The following POLE2 variants were observed in gnomAD, a reference collection of about 807,000 sequenced individuals.
POLE2 encodes the protein DNA polymerase epsilon 2, accessory subunit.
POLE2 carries 56 observed loss-of-function variants against 79.4 expected under a neutral mutation model. The observed-to-expected ratio is 0.71, with a 90% CI of 0.57 to 0.88. The LOEUF (loss-of-function observed/expected upper bound fraction) is 0.88, where lower values mean the gene tolerates loss of function less well. POLE2 is among the 40% of genes least tolerant of loss of function. The probability of loss-of-function intolerance (pLI) is 0.00; values close to 1 mark genes in which losing one functional copy is unlikely to be tolerated. For synonymous variants in POLE2, 212 were observed against 214.0 expected (o/e 0.99, Z 0.08); for missense variants, 598 against 638.9 (o/e 0.94, Z 0.69).
intron 2 of POLE2, among the ~76,000 whole-genome samples, chr14:49,680,050 G>C (rs1252645937): frequency 3.9e-5 from 6 of 152,270 alleles, no homozygotes; most frequent in South Asian, 4.1e-4. Flanking sequence ...ACCCTGTTTA[G>C]TTATAAGAAC....
Position 49,655,036 on chromosome 14 carries a change from T to G in POLE2, c.987A>C (p.Pro329=). The change falls in exon 12 of 19, where the codon CCA becomes CCC. Residue 329 remains proline, a synonymous_variant. Transcript: ENST00000216367. ...AAGCTTGAACTTGATTTTTTCCATA[T>G]GGTGCAGATGAAAAATTACCACACA... is the stretch of plus-strand genomic sequence containing the variant. ...FILCGNFSSA[P]YGKNQVQALK... 6.3e-7 allele frequency: 1 copy of G among 1,580,966 alleles called. No individual in the cohort carries two copies. Among genetic ancestry groups the G allele is most frequent in the Non-Finnish European group, 8.6e-7 (1 of 1,162,432 alleles).
At position 49,670,317 on chromosome 14, in the gene POLE2, C is replaced by CAAAAA. The variant is rs61383006; in HGVS notation, c.418-724_418-720dup. 6.0e-3 allele frequency among the ~76,000 whole-genome samples: 355 copies of CAAAAA among 59,098 alleles called. 37 individuals are homozygous for CAAAAA. Among genetic ancestry groups the CAAAAA allele is most frequent in the African/African-American group, 0.015 (223 of 15,054 alleles). The allele number at this position is 59,098 out of a possible 152,430, so 38.8% of individuals were successfully genotyped here. A position where few individuals can be genotyped will look rare whatever the true frequency, so the allele number is the denominator to read the frequency against. On this transcript the variant is annotated intron_variant, in intron 5 of 18. Transcript: ENST00000216367. ...GGCAACAAGAGCGAAACTGTGTCTC[C>CAAAAA]AAAAAAAAAAAAAAAAAAAAAAAAA... is the stretch of plus-strand genomic sequence containing the variant.
chr14:49,664,349 C>CAA (rs1235574204), intron 9 of POLE2, among the ~76,000 whole-genome samples: 4 of 67,048 alleles, frequency 6.0e-5, no homozygotes, highest in African/African-American at 5.9e-5. Flanking sequence ...ACTCTGTCTC[C>CAA]AAAAAAAAAA....
At chr14:49,657,839 A>G (rs1424024199) in intron 10 of POLE2, among the ~76,000 whole-genome samples, 6 of 152,182 alleles carry the variant, frequency 3.9e-5, no homozygotes, top group Non-Finnish European at 8.8e-5. Context: ...ATTTGTACTT[A>G]TATATACATG....
intron 2 of POLE2, among the ~76,000 whole-genome samples, chr14:49,680,234 C>T (rs1254816763): frequency 6.6e-6 from 1 of 151,944 alleles, no homozygotes; most frequent in Non-Finnish European, 1.5e-5. Flanking sequence ...CCTGTAGTCC[C>T]AGATACTCAG....
rs535285159 is a variant in POLE2, at chr14:49,650,139, A to G, written c.1497+126T>C. Reference sequence around the variant, plus strand: ...CCAACTTTCTGTGTATAGAAACTTAATTCAGTGTTTCACTAATAGCATATT... The same window carrying G: ...CCAACTTTCTGTGTATAGAAACTTAGTTCAGTGTTTCACTAATAGCATATT... On this transcript the variant is annotated intron_variant, in intron 17 of 18. Coordinates refer to ENST00000216367, the MANE Select transcript of POLE2 (RefSeq NM_002692.4). 6 of 503,536 alleles carry G rather than the reference A, an allele frequency of 1.2e-5. No homozygotes were observed. In the South Asian group the frequency reaches 4.1e-4, roughly 35 times the overall value. 31.2% of individuals were successfully genotyped at this position (503,536 alleles called of 1,614,324 possible). A position where few individuals can be genotyped will look rare whatever the true frequency, so the allele number is the denominator to read the frequency against.
chr14:49,648,261 G>A (rs1014112826), intron 17 of POLE2, among the ~76,000 whole-genome samples: 30 of 152,156 alleles, frequency 2.0e-4, no homozygotes. Flanking sequence ...GCAGGCATTC[G>A]TTAATGTGAA....
intron 3 of POLE2, 78 bp from the exon 4 acceptor site, chr14:49,674,505 T>C: frequency 2.5e-6 from 2 of 807,462 alleles, no homozygotes; most frequent in Non-Finnish European, 4.2e-6. Context: ...ACTTGCATTA[T>C]AAGTATTTGT....
At chr14:49,663,847 T>G (rs567726465) in intron 9 of POLE2, among the ~76,000 whole-genome samples, 1 of 148,342 alleles carries the variant, frequency 6.7e-6, no homozygotes, top group East Asian at 2.0e-4. Flanking sequence ...GCTAACACAG[T>G]GAAACCCCGT....
rs778525306 is a variant in POLE2 at position 49,651,291 on chromosome 14, C to T, written c.1298G>A (p.Ser433Asn). 5.0e-6 allele frequency: 8 copies of T among 1,590,252 alleles called. No individual in the cohort carries two copies. The highest frequency in any genetic ancestry group is 8.6e-7 in the Non-Finnish European group (1 of 1,159,582). Residue 433 changes from serine (S) to asparagine (N), a missense_variant, in exon 16 of 19, where the codon AGC becomes AAC. Ser to Asn is a conservative substitution (Grantham distance 46). Transcript: ENST00000216367. Reference sequence around the variant, plus strand: ...TACGTGATTAGGAATAGCCAAATTGCTGCTAGGAAAACGGACGCAGTTTCT... The same window carrying T: ...TACGTGATTAGGAATAGCCAAATTGTTGCTAGGAAAACGGACGCAGTTTCT... ...MCRNCVRFPSSNLAIPNHFVK... is the reference protein window; with the variant it reads ...MCRNCVRFPSNNLAIPNHFVK...
chr14:49,665,097 T>C lies in POLE2; in HGVS notation c.633+10A>G. ...GCAGATTTTAAAAAATACAGACAAG[T>C]GAAGGATATAGCTTTACTAAGGTCT... On this transcript the variant is annotated intron_variant, in intron 8 of 18. Transcript: ENST00000216367. 8.1e-7 allele frequency: 1 copy of C among 1,231,434 alleles called. No homozygotes were observed. The highest frequency in any genetic ancestry group is 1.8e-5 in the Admixed American group (1 of 54,080). 76.3% of individuals were successfully genotyped at this position (1,231,434 alleles called of 1,614,324 possible).
rs572751738 is a variant in POLE2 at position 49,678,293 on chromosome 14, G to A, written c.245+1432C>T. On this transcript the variant is annotated intron_variant, in intron 3 of 18. Coordinates refer to ENST00000216367, the MANE Select transcript of POLE2 (RefSeq NM_002692.4). ...GCTGGGATTACGGGCATGAGCCACTGCGCCCAGCCTGCTTTTCTGCTTTCT... is the reference window on the plus strand; with the variant it reads ...GCTGGGATTACGGGCATGAGCCACTACGCCCAGCCTGCTTTTCTGCTTTCT... 9.6e-4 allele frequency among the ~76,000 whole-genome samples: 146 copies of A among 152,164 alleles called. No homozygotes were observed. In the Middle Eastern group the frequency reaches 0.024, roughly 25 times the overall value.
rs1234771180 is a variant in POLE2 at position 49,655,811 on chromosome 14, C to A, written c.788G>T (p.Gly263Val). Residue 263 changes from glycine to valine, a missense_variant, in exon 11 of 19, where the codon GGT (glycine) becomes GTT (valine). By Grantham distance (109) the Gly-to-Val change is moderately radical. Transcript: ENST00000216367. Reference sequence around the variant, plus strand: ...AGTCTTCACAGATGTATTAGAAGGACCTCCAAAAAAATTAATATTTCCATA... The same window carrying A: ...AGTCTTCACAGATGTATTAGAAGGAACTCCAAAAAAATTAATATTTCCATA... Reference protein sequence around the residue: ...AYYGNINFFGGPSNTSVKTSA... With the variant: ...AYYGNINFFGVPSNTSVKTSA... 1 of 1,573,266 alleles carries A rather than the reference C, an allele frequency of 6.4e-7. No individual in the cohort carries two copies. Among genetic ancestry groups the A allele is most frequent in the Admixed American group, 1.8e-5 (1 of 55,626 alleles).
intron 5 of POLE2, 58 bp downstream of exon 5, chr14:49,674,065 A>T: frequency 2.0e-6 from 2 of 988,308 alleles, no homozygotes; most frequent in Admixed American, 1.8e-5. Context: ...AAACTGAAAC[A>T]GTCTCCTTTT....
intron 18 of POLE2, among the ~76,000 whole-genome samples, chr14:49,646,302 GTTTTTTTTTTTTTTTTTTTT>G (rs1162033821): frequency 3.0e-4 from 25 of 84,578 alleles, no homozygotes; most frequent in African/African-American, 1.4e-3. Context: ...TTTTTTGTTG[GTTTTTTTTTTTTTTTTTTTT>G]TTTTTTTTTT....
rs182558466 is a variant in POLE2, at chr14:49,663,166, C to T, written c.755+149G>A. The T allele has an allele frequency of 5.1e-5, 20 of 391,488 alleles. No homozygotes were observed. The East Asian group carries it at 6.3e-4, about 12-fold the overall frequency. The allele number at this position is 391,488 out of a possible 1,614,324, so 24.3% of individuals were successfully genotyped here. ...TAGTTTTCACATTACATACAAAACC[C>T]AGTCTTCTAATTCTCATTTTCCATT... On this transcript the variant is annotated intron_variant, in intron 10 of 18. Transcript: ENST00000216367.
intron 17 of POLE2, among the ~76,000 whole-genome samples, chr14:49,649,562 G>T (rs1884053753): frequency 6.6e-6 from 1 of 150,650 alleles, no homozygotes; most frequent in Non-Finnish European, 1.5e-5. Flanking sequence ...CAATTCTCCT[G>T]CCTCAGCCTC....
At chr14:49,644,607 T>C (rs1488517565) in intron 18 of POLE2, among the ~76,000 whole-genome samples, 1 of 152,166 alleles carries the variant, frequency 6.6e-6, no homozygotes, top group Non-Finnish European at 1.5e-5. Flanking sequence ...TATGCATACT[T>C]TCTACACCTT....
Position 49,655,087 on chromosome 14 carries a change from T to G in POLE2, c.936A>C (p.Ser312=). ...EKLRIMFAGY[S]PAPPTCFILC... ...GAATAAAGCAGGTTGGAGGTGCTGG[T>G]GAATAACCTAAACAATAAAAGAGTA... Residue 312 remains serine (S), a synonymous_variant, in exon 12 of 19, where the codon TCA becomes TCC. Transcript: ENST00000216367. 6.6e-7 allele frequency: 1 copy of G among 1,517,250 alleles called. No individual in the cohort carries two copies. Among genetic ancestry groups the G allele is most frequent in the Non-Finnish European group, 8.9e-7 (1 of 1,120,158 alleles). 94.0% of individuals were successfully genotyped at this position (1,517,250 alleles called of 1,614,324 possible).
Sources: allele counts gnomAD v4.1 joint callset (sites outside exome capture counted in the v4.1 genomes callset), GRCh38; gene constraint gnomAD v4.1.1; transcripts MANE v1.5; gene names NCBI Gene and HGNC (gene_info 2026-07-23, HGNC 2026-07-21).